The following KIAA0753 variants were observed in gnomAD, a reference collection of about 807,000 sequenced individuals.
The protein encoded by KIAA0753 is KIAA0753.
In KIAA0753, 114 loss-of-function variants were observed where a neutral mutation model predicts 116.9. The ratio of observed to expected loss-of-function variants is 0.98; its 90% CI spans 0.84 to 1.14. The LOEUF is 1.14. KIAA0753 is among the 50% of genes most tolerant of loss of function. The pLI, the probability that KIAA0753 is intolerant of heterozygous loss-of-function variation, is 0.00. For synonymous variants in KIAA0753, 405 were observed against 413.1 expected (o/e 0.98, Z 0.24); for missense variants, 1,156 against 1,172.4 (o/e 0.99, Z 0.20).
At chr17:6,603,075 G>A (rs551476141) in intron 12 of KIAA0753, among the ~76,000 whole-genome samples, 68 of 152,172 alleles carry the variant, frequency 4.5e-4, no homozygotes, top group African/African-American at 1.5e-3. Context: ...TTTAAACACT[G>A]GCAGAAATGA....
intron 4 of KIAA0753, among the ~76,000 whole-genome samples, chr17:6,624,258 G>C (rs1210465958): frequency 6.6e-6 from 1 of 152,102 alleles, no homozygotes; most frequent in African/African-American, 2.4e-5. Flanking sequence ...ACTTAACATG[G>C]TCTTTACTCT....
intron 18 of KIAA0753, among the ~76,000 whole-genome samples, chr17:6,587,369 T>C (rs986140802): frequency 2.0e-5 from 3 of 152,260 alleles, no homozygotes; most frequent in Admixed American, 1.3e-4. Context: ...TTAATAGCTC[T>C]GTCCTCTACA....
At chr17:6,583,970 G>T (rs1404490902) in intron 18 of KIAA0753, among the ~76,000 whole-genome samples, 1 of 152,204 alleles carries the variant, frequency 6.6e-6, no homozygotes, top group Non-Finnish European at 1.5e-5. Flanking sequence ...AATGCATGGT[G>T]CCTGTGGGGC....
chr17:6,612,314 G>C (rs930037221), intron 7 of KIAA0753, among the ~76,000 whole-genome samples, 166 bp from the exon 8 acceptor site: 2 of 152,268 alleles, frequency 1.3e-5, no homozygotes, highest in Non-Finnish European at 2.9e-5. Flanking sequence ...TATTACTGCA[G>C]GTTTATAAGC....
intron 1 of KIAA0753, chr17:6,637,468 A>C (rs1972403427): frequency 6.6e-6 from 1 of 152,516 alleles, no homozygotes; most frequent in South Asian, 2.1e-4. Context: ...TGGCCCTGGA[A>C]GCCCGGGAGC....
intron 16 of KIAA0753, among the ~76,000 whole-genome samples, chr17:6,592,376 C>T (rs937354785): frequency 1.3e-5 from 2 of 152,160 alleles, no homozygotes; most frequent in African/African-American, 4.8e-5. Flanking sequence ...GAGGGTAGTA[C>T]TCACGGCGCT....
In KIAA0753 at chr17:6,623,040, T is replaced by A. The variant is rs769716885; in HGVS notation, c.946A>T (p.Met316Leu). The change falls in exon 6 of 19, where the codon ATG (methionine) becomes TTG (leucine). Residue 316 changes from methionine to leucine, a missense_variant. Transcript: ENST00000361413. Reference protein sequence around the residue: ...AHRGAIRALQMFVTQFTDRGE... With the variant: ...AHRGAIRALQLFVTQFTDRGE... Reference sequence around the variant, plus strand: ...CGGTCAGTAAACTGAGTGACAAACATCTGTAAGGCCCGAATGGCTCCTCGA... The same window carrying A: ...CGGTCAGTAAACTGAGTGACAAACAACTGTAAGGCCCGAATGGCTCCTCGA... The A allele has an allele frequency of 6.2e-7, 1 of 1,614,112 alleles. No individual in the cohort carries two copies. The highest frequency in any genetic ancestry group is 2.2e-5 in the East Asian group (1 of 44,880).
At position 6,611,840 on chromosome 17, in the gene KIAA0753, T is replaced by A. The variant is rs1389971894; in HGVS notation, c.1545+79A>T. On this transcript the variant is annotated intron_variant, in intron 8 of 18. Transcript: ENST00000361413. ...AGCATCCAATTGCCTGAGAACTGGC[T>A]CCACCATATACCAGTTTATGTGACC... The A allele has an allele frequency of 7.8e-6, 9 of 1,154,454 alleles. No homozygotes were observed. The East Asian group carries it at 1.6e-4, about 21-fold the overall frequency. 71.5% of individuals were successfully genotyped at this position (1,154,454 alleles called of 1,614,324 possible). A position where few individuals can be genotyped will look rare whatever the true frequency, so the allele number is the denominator to read the frequency against.
intron 2 of KIAA0753, among the ~76,000 whole-genome samples, chr17:6,630,794 G>C (rs1408506422): frequency 2.0e-5 from 3 of 152,198 alleles, no homozygotes; most frequent in Non-Finnish European, 4.4e-5. Context: ...AATGTGGAGA[G>C]ATTGGAATAT....
At chr17:6,635,207 T>C (rs910363672) in intron 1 of KIAA0753, 36 bp from the exon 2 acceptor site, 17 of 815,252 alleles carry the variant, frequency 2.1e-5, no homozygotes, top group African/African-American at 1.2e-4. Context: ...ACCAACAGCG[T>C]TGAACAAGGG....
intron 18 of KIAA0753, 57 bp downstream of exon 18, chr17:6,589,722 T>G: frequency 7.4e-7 from 1 of 1,343,456 alleles, no homozygotes; most frequent in South Asian, 1.3e-5. Flanking sequence ...CAGCTTTTTC[T>G]AAGTCTAAAA....
chr17:6,634,161 G>T (rs893455174), intron 2 of KIAA0753, among the ~76,000 whole-genome samples: 1 of 148,346 alleles, frequency 6.7e-6, no homozygotes, highest in African/African-American at 2.5e-5. Flanking sequence ...GGAGTGCAGT[G>T]GCACAATCTC....
At chr17:6,600,489 C>T in intron 12 of KIAA0753, 31 bp from the exon 13 acceptor site, 1 of 1,539,306 alleles carries the variant, frequency 6.5e-7, no homozygotes, top group East Asian at 2.2e-5. Context: ...AAATTAAAAT[C>T]AAAGGCAATA....
At chr17:6,617,741 AG>A (rs1327664501) in intron 7 of KIAA0753, among the ~76,000 whole-genome samples, 1 of 152,346 alleles carries the variant, frequency 6.6e-6, no homozygotes, top group African/African-American at 2.4e-5. Flanking sequence ...TCCATCCTCC[AG>A]GAAGTGGAGA....
rs1232979423 is a variant in KIAA0753, at chr17:6,578,836, G to C, written c.*911C>G. 1 of 152,238 alleles carries C rather than the reference G, an allele frequency of 6.6e-6. No homozygotes were observed. The highest frequency in any genetic ancestry group is 2.4e-5 in the African/African-American group (1 of 41,464). The allele number at this position is 152,238 out of a possible 1,614,324, so 9.4% of individuals were successfully genotyped here. On this transcript the variant is annotated 3_prime_UTR_variant, in exon 19 of 19. Coordinates refer to ENST00000361413, the MANE Select transcript of KIAA0753 (RefSeq NM_014804.3). ...TGATCTGTAAGATGTTGGAGGACCA[G>C]GCTATGATGGTTCTTAAGTTTCTTC...
In KIAA0753 at chr17:6,596,170, C is replaced by CAG. The variant is rs1313909034; in HGVS notation, c.2345_2346insCT (p.Met782IlefsTer40). ...CCCCAGACCTTACTTCCATCTCTTC[C>CAG]ATTCGGCGCATCATGATCTCCAGAT... is the stretch of plus-strand genomic sequence containing the variant. On this transcript the variant is annotated frameshift_variant, in exon 15 of 19. Transcript: ENST00000361413. LOFTEE classifies it high-confidence loss of function. 1.2e-5 allele frequency: 19 copies of CAG among 1,613,652 alleles called. No homozygotes were observed. Among genetic ancestry groups the CAG allele is most frequent in the Non-Finnish European group, 1.6e-5 (19 of 1,179,624 alleles).
intron 14 of KIAA0753, among the ~76,000 whole-genome samples, chr17:6,598,491 T>C (rs1468148414): frequency 6.6e-6 from 1 of 152,212 alleles, no homozygotes; most frequent in Non-Finnish European, 1.5e-5. Flanking sequence ...ACTGGGCCAA[T>C]GGAGCTTCAT....
chr17:6,590,083 GA>G (rs1431784764), intron 17 of KIAA0753, 80 bp from the exon 18 acceptor site: 34 of 1,068,562 alleles, frequency 3.2e-5, no homozygotes, highest in Non-Finnish European at 4.1e-5. Flanking sequence ...CTCATGGTTT[GA>G]TAGCCAAAGG....
intron 14 of KIAA0753, among the ~76,000 whole-genome samples, chr17:6,597,141 C>T (rs547890543): frequency 4.3e-4 from 65 of 152,296 alleles, no homozygotes; most frequent in Non-Finnish European, 7.1e-4. Context: ...TTCATAAGAG[C>T]TTGCACGCTG....
Sources: allele counts gnomAD v4.1 joint callset (sites outside exome capture counted in the v4.1 genomes callset), GRCh38; gene constraint gnomAD v4.1.1; transcripts MANE v1.5; gene names NCBI Gene and HGNC (gene_info 2026-07-23, HGNC 2026-07-21).